MYO1B: variants seen among roughly 807,000 people sequenced by gnomAD.
The protein encoded by MYO1B is unconventional myosin-Ib.
Under a neutral mutation model 159.7 loss-of-function variants are expected in MYO1B, and 72 were observed. The ratio of observed to expected loss-of-function variants is 0.45; its 90% CI spans 0.37 to 0.55. The LOEUF is 0.55. Among genes scored for constraint, MYO1B ranks in the 20% least tolerant of loss-of-function variants. The pLI is 0.00. For synonymous variants in MYO1B, 468 were observed against 473.8 expected (o/e 0.99, Z 0.16); for missense variants, 1,062 against 1,364.8 (o/e 0.78, Z 3.50).
intron 3 of MYO1B, among the ~76,000 whole-genome samples, chr2:191,301,017 A>T (rs1451500333): frequency 3.3e-5 from 5 of 152,104 alleles, no homozygotes; most frequent in African/African-American, 1.2e-4. Flanking sequence ...TTAGTCCCCC[A>T]AACATGGAAC....
intron 6 of MYO1B, among the ~76,000 whole-genome samples, chr2:191,346,964 C>G (rs1219809239): frequency 6.6e-6 from 1 of 152,210 alleles, no homozygotes; most frequent in Non-Finnish European, 1.5e-5. Context: ...TACAGAGACA[C>G]AGCTGCCTGG....
intron 1 of MYO1B, among the ~76,000 whole-genome samples, chr2:191,262,376 G>A (rs966939692): frequency 1.3e-5 from 2 of 152,126 alleles, no homozygotes; most frequent in East Asian, 3.9e-4. Flanking sequence ...GCATTTAGTC[G>A]CTTTGCCAAC....
intron 30 of MYO1B, among the ~76,000 whole-genome samples, 184 bp from the exon 31 acceptor site, chr2:191,423,653 C>T (rs1698083102): frequency 1.3e-5 from 2 of 152,164 alleles, no homozygotes; most frequent in East Asian, 3.8e-4. Flanking sequence ...CAAGCATTTC[C>T]TTTAAGCATC....
chr2:191,404,948 A>G (rs897445914), intron 24 of MYO1B, among the ~76,000 whole-genome samples: 4 of 152,170 alleles, frequency 2.6e-5, no homozygotes, highest in East Asian at 1.9e-4. Context: ...TAAGATAACA[A>G]TGAAATTTGC....
In MYO1B at chr2:191,362,990, A is replaced by C. The variant is rs527721056; in HGVS notation, c.765+619A>C. The stretch of plus-strand genomic sequence containing the variant: ...TTAATTGTTGAGGGTGAGTGAAAGG[A>C]CATGCGGGTTCTTTCCCTGCTCTCT... On this transcript the variant is annotated intron_variant, in intron 9 of 30. Coordinates refer to ENST00000392318, the MANE Select transcript of MYO1B (RefSeq NM_001130158.3). Among the ~76,000 whole-genome samples, 5 of 152,322 alleles carry C rather than the reference A, an allele frequency of 3.3e-5. No homozygotes were observed. The South Asian group carries it at 1.0e-3, about 32-fold the overall frequency.
Position 191,416,238 on chromosome 2 carries a change from G to A in MYO1B, c.3283G>A (p.Asp1095Asn), listed in dbSNP as rs927355774. 6 of 1,613,944 alleles carry A rather than the reference G, an allele frequency of 3.7e-6. No homozygotes were observed. The highest frequency in any genetic ancestry group is 3.3e-5 in the Admixed American group (2 of 59,992). The change falls in exon 30 of 31, where the codon GAT becomes AAT. Residue 1095 changes from aspartate (D) to asparagine (N), a missense_variant. Physicochemically the swap from Asp to Asn is conservative, Grantham distance 23. Transcript: ENST00000392318. ...TKQKLNIEIS[D>N]EFLVQFRQDK... ...ACAGAAGCTCAATATTGAGATTTCC[G>A]ATGAGTACGTTCATGTATTGTTTGA...
In MYO1B at chr2:191,288,334, A is replaced by C. The variant is rs1056863147; in HGVS notation, c.136-7777A>C. ...ACGTCTTATGTCACTCTTTGGGGGGAACTTTGTCCAAATCATGCCCATCTT... is the reference window on the plus strand; with the variant it reads ...ACGTCTTATGTCACTCTTTGGGGGGCACTTTGTCCAAATCATGCCCATCTT... On this transcript the variant is annotated intron_variant, in intron 2 of 30. Coordinates refer to ENST00000392318, the MANE Select transcript of MYO1B (RefSeq NM_001130158.3). Among the ~76,000 whole-genome samples, 26 of 151,006 alleles carry C rather than the reference A, an allele frequency of 1.7e-4. 1 individual carries two copies. The highest frequency in any genetic ancestry group is 1.7e-3 in the Admixed American group (26 of 15,182).
chr2:191,379,665 A>C (rs912871457), intron 13 of MYO1B, among the ~76,000 whole-genome samples: 1 of 152,148 alleles, frequency 6.6e-6, no homozygotes, highest in Non-Finnish European at 1.5e-5. Context: ...GCCAGATAAC[A>C]CATTTGTTCC....
At chr2:191,289,257 T>C (rs764650331) in intron 2 of MYO1B, among the ~76,000 whole-genome samples, 1 of 152,226 alleles carries the variant, frequency 6.6e-6, no homozygotes, top group African/African-American at 2.4e-5. Context: ...CCTCCGTTCT[T>C]CTTGCGTGCT....
chr2:191,397,804 G>A (rs926063798), intron 21 of MYO1B, among the ~76,000 whole-genome samples: 8 of 145,310 alleles, frequency 5.5e-5, no homozygotes, highest in African/African-American at 1.8e-4. Context: ...CGGATGGGGC[G>A]TCTGGCCGGG....
At chr2:191,388,652 A>C (rs1008912488) in intron 17 of MYO1B, among the ~76,000 whole-genome samples, 5 of 152,146 alleles carry the variant, frequency 3.3e-5, no homozygotes, top group Admixed American at 3.3e-4. Flanking sequence ...TTAAAAAAAA[A>C]CCCAAGAAAC....
intron 2 of MYO1B, 88 bp from the exon 3 acceptor site, chr2:191,296,023 G>A (rs915083061): frequency 1.8e-5 from 11 of 612,540 alleles, no homozygotes; most frequent in Non-Finnish European, 2.6e-5. Context: ...GATTTTAAAA[G>A]GTTGAAACCA....
intron 1 of MYO1B, among the ~76,000 whole-genome samples, chr2:191,264,994 T>C (rs1687046324): frequency 6.6e-6 from 1 of 152,060 alleles, no homozygotes; most frequent in Admixed American, 6.6e-5. Flanking sequence ...GGCCTGCAAC[T>C]TGGATCTTGT....
intron 24 of MYO1B, among the ~76,000 whole-genome samples, chr2:191,406,027 G>T (rs968996394): frequency 1.3e-5 from 2 of 152,282 alleles, no homozygotes; most frequent in Middle Eastern, 3.4e-3. Context: ...ATCTGTTGTC[G>T]AGTGTAGCCA....
intron 14 of MYO1B, 152 bp downstream of exon 14, chr2:191,381,718 A>G (rs889585100): frequency 1.6e-6 from 1 of 617,798 alleles, no homozygotes; most frequent in Admixed American, 2.9e-5. Context: ...AAAGCTATAG[A>G]GACTGATTAC....
chr2:191,307,789 A>G (rs898902816), intron 3 of MYO1B, among the ~76,000 whole-genome samples: 1 of 152,208 alleles, frequency 6.6e-6, no homozygotes, highest in Admixed American at 6.5e-5. Flanking sequence ...AACAACTCAC[A>G]GAACTCAGGA....
At chr2:191,392,338 TAATC>T (rs1695805895) in intron 19 of MYO1B, 137 bp downstream of exon 19, 5 of 559,946 alleles carry the variant, frequency 8.9e-6, no homozygotes, top group South Asian at 7.3e-5. Flanking sequence ...TATCTACAAA[TAATC>T]AAGAGGCAGG....
intron 2 of MYO1B, 35 bp downstream of exon 2, chr2:191,277,065 A>G (rs1202118075): frequency 1.3e-6 from 2 of 1,593,046 alleles, no homozygotes; most frequent in Non-Finnish European, 1.7e-6. Flanking sequence ...TAATGTTTAG[A>G]CTTTGTATTT....
intron 20 of MYO1B, among the ~76,000 whole-genome samples, chr2:191,394,091 T>C (rs749563292): frequency 2.1e-4 from 32 of 152,216 alleles, no homozygotes; most frequent in Non-Finnish European, 7.3e-5. Context: ...ATTAATGAGG[T>C]ATTTAATTGA....
Sources: gnomAD v4.1 joint callset for allele counts (sites outside exome capture counted in the v4.1 genomes callset) on GRCh38, gnomAD v4.1.1 for gene constraint, MANE v1.5 for transcripts, NCBI Gene and HGNC (gene_info 2026-07-23, HGNC 2026-07-21) for gene names.